Variants in RABGAP1L observed in about 807,000 individuals in gnomAD.
RABGAP1L encodes the protein rab GTPase-activating protein 1-like.
Under a neutral mutation model 137.7 loss-of-function variants are expected in RABGAP1L, and 63 were observed. The observed-to-expected ratio is 0.46, with a 90% CI of 0.37 to 0.56. The LOEUF is 0.56. Among genes scored for constraint, RABGAP1L ranks in the 20% least tolerant of loss-of-function variants. RABGAP1L has a pLI of 0.00. For missense variants in RABGAP1L, 1,095 were observed against 1,244.0 expected (o/e 0.88, Z 1.80); for synonymous variants, 431 against 433.7 (o/e 0.99, Z 0.08).
At chr1:174,180,086 C>A (rs75087784) in intron 1 of RABGAP1L, among the ~76,000 whole-genome samples, 11 of 152,094 alleles carry the variant, frequency 7.2e-5, no homozygotes, top group Non-Finnish European at 1.0e-4. Context: ...TTGAGATTTC[C>A]ATAAGGGATA....
chr1:174,581,962 G>A (rs1668782964), intron 13 of RABGAP1L, among the ~76,000 whole-genome samples: 1 of 152,180 alleles, frequency 6.6e-6, no homozygotes. Context: ...AGTGGGGTAG[G>A]AATATGGAAA....
At chr1:174,184,581 TA>T (rs571201793) in intron 1 of RABGAP1L, among the ~76,000 whole-genome samples, 1 of 151,114 alleles carries the variant, frequency 6.6e-6, no homozygotes, top group South Asian at 2.1e-4. Flanking sequence ...TCAGCATTTT[TA>T]AAAAAATAAA....
chr1:174,738,131 T>A (rs1363376154), intron 17 of RABGAP1L, among the ~76,000 whole-genome samples: 1 of 152,176 alleles, frequency 6.6e-6, no homozygotes, highest in Non-Finnish European at 1.5e-5. Context: ...TTAGGAGATG[T>A]TTCAAGGAGG....
At chr1:174,219,402 T>C (rs1039156238) in intron 2 of RABGAP1L, 107 bp downstream of exon 2, 31 of 759,232 alleles carry the variant, frequency 4.1e-5, no homozygotes, top group Non-Finnish European at 5.4e-5. Context: ...ACTTTCAAAA[T>C]AAAATCAATG....
At chr1:174,793,591 T>C (rs1252603541) in intron 18 of RABGAP1L, among the ~76,000 whole-genome samples, 1 of 152,236 alleles carries the variant, frequency 6.6e-6, no homozygotes, top group Non-Finnish European at 1.5e-5. Flanking sequence ...TCTCATTACA[T>C]TTCATTTTAG....
intron 11 of RABGAP1L, among the ~76,000 whole-genome samples, chr1:174,347,240 T>C (rs1682515169): frequency 6.6e-6 from 1 of 152,224 alleles, no homozygotes; most frequent in Non-Finnish European, 1.5e-5. Flanking sequence ...ATTTGGACTG[T>C]GGTGCAGATT....
intron 1 of RABGAP1L, among the ~76,000 whole-genome samples, chr1:174,193,415 C>T (rs1667348440): frequency 6.6e-6 from 1 of 152,134 alleles, no homozygotes; most frequent in Non-Finnish European, 1.5e-5. Flanking sequence ...GCCTGTAATC[C>T]CAGCTACTCG....
chr1:174,620,849 G>A (rs1320293070), intron 13 of RABGAP1L, among the ~76,000 whole-genome samples: 1 of 152,042 alleles, frequency 6.6e-6, no homozygotes, highest in Non-Finnish European at 1.5e-5. Flanking sequence ...TACAGGAGCT[G>A]GTTTTTTGAA....
intron 13 of RABGAP1L, among the ~76,000 whole-genome samples, chr1:174,437,080 A>G (rs1420991143): frequency 5.6e-3 from 688 of 122,566 alleles, no homozygotes; most frequent in South Asian, 8.5e-3. Context: ...CGTCACCATC[A>G]TCAAAGACCA....
At chr1:174,383,397 C>A (rs568271996) in intron 12 of RABGAP1L, among the ~76,000 whole-genome samples, 3 of 151,400 alleles carry the variant, frequency 2.0e-5, no homozygotes, top group Non-Finnish European at 2.9e-5. Context: ...GCCTCACTGC[C>A]GCCTTGCAGT....
intron 13 of RABGAP1L, among the ~76,000 whole-genome samples, chr1:174,619,745 A>C (rs182344125): frequency 8.0e-4 from 122 of 152,254 alleles, no homozygotes; most frequent in East Asian, 5.8e-3. Context: ...CAAGCAAAAT[A>C]ACCACCTAAC....
chr1:174,567,184 C>T (rs1280103497), intron 13 of RABGAP1L, among the ~76,000 whole-genome samples: 1 of 152,074 alleles, frequency 6.6e-6, no homozygotes, highest in East Asian at 1.9e-4. Context: ...CACCCTTCTA[C>T]CTCTCCCCAC....
chr1:174,221,762 A>G (rs371037754), intron 3 of RABGAP1L, among the ~76,000 whole-genome samples: 5 of 152,110 alleles, frequency 3.3e-5, no homozygotes, highest in Non-Finnish European at 7.4e-5. Flanking sequence ...CTCAGCTCTG[A>G]TCTTGTCTAT....
At chr1:174,938,038 C>T (rs1290491109) in intron 19 of RABGAP1L, among the ~76,000 whole-genome samples, 1 of 133,080 alleles carries the variant, frequency 7.5e-6, no homozygotes, top group Non-Finnish European at 1.7e-5. Context: ...GAGTATATTT[C>T]CCTTGAGCTA....
At chr1:174,746,119 A>G (rs1683841924) in intron 17 of RABGAP1L, among the ~76,000 whole-genome samples, 1 of 152,172 alleles carries the variant, frequency 6.6e-6, no homozygotes, top group Non-Finnish European at 1.5e-5. Context: ...TTGCCTGCTT[A>G]TCAGAGCCAG....
intron 1 of RABGAP1L, among the ~76,000 whole-genome samples, chr1:174,173,344 GGTCTCA>G (rs1426858434): frequency 3.3e-5 from 5 of 151,554 alleles, no homozygotes; most frequent in African/African-American, 1.2e-4. Flanking sequence ...TGGTCAGGCT[GGTCTCA>G]AACTCCCAAC....
At chr1:174,347,491 G>T (rs1315400478) in intron 11 of RABGAP1L, among the ~76,000 whole-genome samples, 28 of 132,124 alleles carry the variant, frequency 2.1e-4, no homozygotes, top group Non-Finnish European at 2.6e-4. Flanking sequence ...GTGTGTGTGT[G>T]TGTGTGTGTT....
chr1:174,774,282 C>A (rs527898953), intron 18 of RABGAP1L, among the ~76,000 whole-genome samples: 1 of 152,176 alleles, frequency 6.6e-6, no homozygotes, highest in South Asian at 2.1e-4. Flanking sequence ...TTGTGTCATA[C>A]GTAAGCTTGA....
In RABGAP1L at chr1:174,847,179, C is replaced by G. The variant is rs1033242967; in HGVS notation, c.2340+35219C>G. On this transcript the variant is annotated intron_variant, in intron 19 of 25. Coordinates refer to ENST00000681986, the MANE Select transcript of RABGAP1L (RefSeq NM_001366446.1). ...ACACTGTTGGGTCTTGACTCTTTAT[C>G]CAACTTGCCAGTCTGTGTCTTTTAA... 5.1e-4 allele frequency among the ~76,000 whole-genome samples: 77 copies of G among 149,944 alleles called. 2 individuals are homozygous for G. Among genetic ancestry groups the G allele is most frequent in the Admixed American group, 1.5e-3 (22 of 15,030 alleles).
Sources: gnomAD v4.1 joint callset for allele counts (sites outside exome capture counted in the v4.1 genomes callset) on GRCh38, gnomAD v4.1.1 for gene constraint, MANE v1.5 for transcripts, NCBI Gene and HGNC (gene_info 2026-07-23, HGNC 2026-07-21) for gene names.